The following SHROOM3 variants were observed in gnomAD, a reference collection of about 807,000 sequenced individuals.
The protein encoded by SHROOM3 is shroom family member 3.
In SHROOM3, 47 loss-of-function variants were observed where a neutral mutation model predicts 138.6. The ratio of observed to expected loss-of-function variants is 0.34; its 90% confidence interval spans 0.27 to 0.43. SHROOM3 has a LOEUF of 0.43. SHROOM3 is among the 20% of genes least tolerant of loss of function. The pLI is 1.00. For synonymous variants in SHROOM3, 1,062 were observed against 1,063.3 expected (o/e 1.00, Z 0.02); for missense variants, 2,491 against 2,596.5 (o/e 0.96, Z 0.88).
At chr4:76,474,285 G>C (rs28561846) in intron 1 of SHROOM3, among the ~76,000 whole-genome samples, 7,347 of 152,204 alleles carry the variant, frequency 0.048, 207 homozygotes, top group Middle Eastern at 0.075. Context: ...CTATGGGGGA[G>C]GATGGATGGG....
chr4:76,509,128 G>C (rs1340919081), intron 1 of SHROOM3, among the ~76,000 whole-genome samples: 2 of 152,064 alleles, frequency 1.3e-5, no homozygotes, highest in Non-Finnish European at 2.9e-5. Flanking sequence ...TCAAACCATA[G>C]CAATATGTTT....
intron 1 of SHROOM3, among the ~76,000 whole-genome samples, chr4:76,458,169 T>A (rs908773848): frequency 6.6e-6 from 1 of 152,220 alleles, no homozygotes; most frequent in Non-Finnish European, 1.5e-5. Flanking sequence ...TAATACAACA[T>A]GGAAAGATAT....
At position 76,498,946 on chromosome 4, in the gene SHROOM3, C is replaced by T. The variant is rs1732030141; in HGVS notation, c.169-56663C>T. On this transcript the variant is annotated intron_variant, in intron 1 of 10. Transcript: ENST00000296043. ...TTTGTGCGATGGAAACTGAGAACAG[C>T]TGTATTTTTCTAACCAATTTTATGA... Among the ~76,000 whole-genome samples the T allele has an allele frequency of 2.6e-5, 4 of 152,148 alleles. 1 individual carries two copies. In the South Asian group the frequency reaches 8.3e-4, roughly 31 times the overall value.
At chr4:76,542,597 G>A (rs142019206) in intron 1 of SHROOM3, among the ~76,000 whole-genome samples, 6 of 152,310 alleles carry the variant, frequency 3.9e-5, no homozygotes, top group South Asian at 2.1e-4. Context: ...GAAAGAAGCC[G>A]TAAGTTAGGT....
chr4:76,747,734 A>ATT (rs1721487457), intron 5 of SHROOM3, among the ~76,000 whole-genome samples: 1 of 152,130 alleles, frequency 6.6e-6, no homozygotes, highest in East Asian at 1.9e-4. Flanking sequence ...TTTCATGGAG[A>ATT]GCAGGAATTC....
intron 1 of SHROOM3, among the ~76,000 whole-genome samples, chr4:76,546,041 T>TA (rs1342754299): frequency 6.6e-6 from 1 of 152,256 alleles, no homozygotes; most frequent in Non-Finnish European, 1.5e-5. Context: ...TACTAAGTGT[T>TA]ACATATGTAT....
At chr4:76,438,993 C>T (rs757182480) in intron 1 of SHROOM3, among the ~76,000 whole-genome samples, 1 of 152,178 alleles carries the variant, frequency 6.6e-6, no homozygotes, top group African/African-American at 2.4e-5. Context: ...GCTGCTGTAA[C>T]AAATTACTAC....
At chr4:76,438,654 T>C (rs1324318980) in intron 1 of SHROOM3, among the ~76,000 whole-genome samples, 2 of 152,180 alleles carry the variant, frequency 1.3e-5, no homozygotes, top group African/African-American at 4.8e-5. Flanking sequence ...CCTTCTACAC[T>C]TCCATATTAT....
At chr4:76,728,676 CCTG>C (rs1343114275) in intron 3 of SHROOM3, among the ~76,000 whole-genome samples, 3 of 152,348 alleles carry the variant, frequency 2.0e-5, no homozygotes, top group East Asian at 3.9e-4. Context: ...AAGCTGTGCA[CCTG>C]CTCCCTTTTG....
chr4:76,572,916 A>T (rs1733860640), intron 2 of SHROOM3, among the ~76,000 whole-genome samples: 1 of 151,950 alleles, frequency 6.6e-6, no homozygotes, highest in Admixed American at 6.6e-5. Context: ...CCCTGTCTCT[A>T]CTAAAAATAC....
At chr4:76,544,407 CTTTTTTTTT>C (rs58799466) in intron 1 of SHROOM3, among the ~76,000 whole-genome samples, 4,657 of 75,714 alleles carry the variant, frequency 0.062, 209 homozygotes, top group African/African-American at 0.19. Context: ...AGCTCAATGG[CTTTTTTTTT>C]TTTTTTTTTT....
At chr4:76,673,144 A>T (rs1057460342) in intron 2 of SHROOM3, among the ~76,000 whole-genome samples, 3 of 152,138 alleles carry the variant, frequency 2.0e-5, no homozygotes, top group Admixed American at 1.3e-4. Context: ...AAAAAGTGGG[A>T]TGGGGTGAGG....
At chr4:76,439,977 G>T (rs759707542) in intron 1 of SHROOM3, among the ~76,000 whole-genome samples, 1 of 152,208 alleles carries the variant, frequency 6.6e-6, no homozygotes, top group Non-Finnish European at 1.5e-5. Context: ...GTCATTGTAA[G>T]TGGATGCTCA....
At chr4:76,462,671 TCTCTCCCTCTCC>T (rs1224348152) in intron 1 of SHROOM3, among the ~76,000 whole-genome samples, 2 of 151,114 alleles carry the variant, frequency 1.3e-5, no homozygotes, top group African/African-American at 2.4e-5. Flanking sequence ...CTTTGTTCTC[TCTCTCCCTCTCC>T]CTCTCCCTCT....
intron 2 of SHROOM3, among the ~76,000 whole-genome samples, chr4:76,676,142 T>G (rs941983509): frequency 2.6e-4 from 40 of 152,190 alleles, no homozygotes; most frequent in African/African-American, 9.7e-4. Flanking sequence ...CATATGCTTC[T>G]CAGCAGTTTT....
intron 2 of SHROOM3, among the ~76,000 whole-genome samples, chr4:76,612,013 AC>A (rs1407417911): frequency 2.6e-5 from 4 of 152,210 alleles, no homozygotes; most frequent in Admixed American, 6.5e-5. Context: ...ACTTGCTCAG[AC>A]ACAGTTCTTT....
chr4:76,593,987 T>G (rs1223712426), intron 2 of SHROOM3, among the ~76,000 whole-genome samples: 2 of 152,218 alleles, frequency 1.3e-5, no homozygotes, highest in Non-Finnish European at 2.9e-5. Context: ...CTGTTTTTTC[T>G]TTTGGAAAAA....
At position 76,456,417 on chromosome 4, in the gene SHROOM3, A is replaced by G. The variant is rs114446205; in HGVS notation, c.168+20197A>G. 4.2e-3 allele frequency among the ~76,000 whole-genome samples: 636 copies of G among 152,336 alleles called. 4 individuals are homozygous for G. Among genetic ancestry groups the G allele is most frequent in the African/African-American group, 0.014 (590 of 41,586 alleles). On this transcript the variant is annotated intron_variant, in intron 1 of 10. Coordinates refer to ENST00000296043, the MANE Select transcript of SHROOM3 (RefSeq NM_020859.4). Reference sequence around the variant, plus strand: ...TACTTGTACACATAGTACACACAGCAAATTCAAGTTTTGCTTTTCAGAGAT... The same window carrying G: ...TACTTGTACACATAGTACACACAGCGAATTCAAGTTTTGCTTTTCAGAGAT...
chr4:76,777,037 T>A (rs1323200400), intron 10 of SHROOM3, among the ~76,000 whole-genome samples: 1 of 152,188 alleles, frequency 6.6e-6, no homozygotes, highest in Non-Finnish European at 1.5e-5. Context: ...ACGTGATGCC[T>A]CCAGATTTGT....
Sources: gnomAD v4.1 joint callset for allele counts (sites outside exome capture counted in the v4.1 genomes callset) on GRCh38, gnomAD v4.1.1 for gene constraint, MANE v1.5 for transcripts, NCBI Gene and HGNC (gene_info 2026-07-23, HGNC 2026-07-21) for gene names.